GFOD1: variants seen among roughly 807,000 people sequenced by gnomAD.
GFOD1 encodes glucose-fructose oxidoreductase domain-containing protein 1.
Under a neutral mutation model 25.4 loss-of-function variants are expected in GFOD1, and 9 were observed. The ratio of observed to expected loss-of-function variants is 0.35; its 90% confidence interval spans 0.21 to 0.62. The LOEUF (loss-of-function observed/expected upper bound fraction) is 0.62. Among genes scored for constraint, GFOD1 ranks in the 20% least tolerant of loss-of-function variants. The pLI is 0.72. For synonymous variants in GFOD1, 253 were observed against 245.6 expected, an observed-to-expected ratio of 1.03 and a Z score of -0.28; for missense variants, 403 against 556.9, an observed-to-expected ratio of 0.72 and a Z score of 2.78.
intron 1 of GFOD1, among the ~76,000 whole-genome samples, chr6:13,481,519 A>G (rs1222931104): frequency 1.3e-5 from 2 of 152,322 alleles, no homozygotes; most frequent in Middle Eastern, 3.4e-3. Context: ...ATGTTATTCT[A>G]GGTGCTGTGG....
At chr6:13,482,315 A>G (rs1490293189) in intron 1 of GFOD1, among the ~76,000 whole-genome samples, 1 of 148,824 alleles carries the variant, frequency 6.7e-6, no homozygotes, top group East Asian at 1.9e-4. Context: ...TATGTAATAA[A>G]TTTAATACAT....
chr6:13,393,475 GC>G (rs1785657662), intron 1 of GFOD1, among the ~76,000 whole-genome samples: 1 of 151,098 alleles, frequency 6.6e-6, no homozygotes, highest in Admixed American at 6.6e-5. Flanking sequence ...AGGACCACCG[GC>G]CAGTCCAGAG....
At chr6:13,379,966 T>C (rs1204730557) in intron 1 of GFOD1, among the ~76,000 whole-genome samples, 2 of 152,196 alleles carry the variant, frequency 1.3e-5, no homozygotes, top group Non-Finnish European at 2.9e-5. Context: ...CCTGTAAAAC[T>C]GGAATAATAA....
At chr6:13,412,328 A>C (rs1486690486) in intron 1 of GFOD1, among the ~76,000 whole-genome samples, 1 of 152,218 alleles carries the variant, frequency 6.6e-6, no homozygotes, top group African/African-American at 2.4e-5. Context: ...AACAGAGGGA[A>C]GACCCTGTGA....
Position 13,486,994 on chromosome 6 carries a change from TAGCCGCGGTGCGCC to T in GFOD1, c.-118_-105del. ...CTGCACCCCGCTCCTGTAGCCAATCTAGCCGCGGTGCGCCAGCCGCCGTGCACCGGGCAAGGCGC... is the reference window on the plus strand; with the variant it reads ...CTGCACCCCGCTCCTGTAGCCAATCTAGCCGCCGTGCACCGGGCAAGGCGC... On this transcript the variant is annotated 5_prime_UTR_variant, in exon 1 of 2. Coordinates refer to ENST00000379287, the MANE Select transcript of GFOD1 (RefSeq NM_018988.4). 1.4e-6 allele frequency: 2 copies of T among 1,382,670 alleles called. No individual in the cohort carries two copies. The highest frequency in any genetic ancestry group is 1.9e-6 in the Non-Finnish European group (2 of 1,032,148). The allele number at this position is 1,382,670 out of a possible 1,614,324, so 85.7% of individuals were successfully genotyped here. A position where few individuals can be genotyped will look rare whatever the true frequency, so the allele number is the denominator to read the frequency against.
chr6:13,423,859 GT>G (rs11371080), intron 1 of GFOD1, among the ~76,000 whole-genome samples: 3 of 151,856 alleles, frequency 2.0e-5, no homozygotes, highest in Admixed American at 6.6e-5. Flanking sequence ...CTTTTTGTTT[GT>G]TTTTTTTGTT....
rs114193898 is a variant in GFOD1 at position 13,430,680 on chromosome 6, G to C, written c.253+55958C>G. Among the ~76,000 whole-genome samples the C allele has an allele frequency of 0.023, 3,560 of 152,154 alleles. 71 individuals carry two copies. The highest frequency in any genetic ancestry group is 0.037 in the Non-Finnish European group (2,498 of 67,984). ...AGTCCACCTATGGCAGGAGTAGTGG[G>C]ACAGCGGGTAGGGAAAAGTATCCTT... On this transcript the variant is annotated intron_variant, in intron 1 of 1. Coordinates refer to ENST00000379287, the MANE Select transcript of GFOD1 (RefSeq NM_018988.4). This position sits in a 1 kb window ranked among gnomAD's most constrained non-coding sequence, Gnocchi z 4.1.
At chr6:13,479,121 T>G (rs1248218366) in intron 1 of GFOD1, among the ~76,000 whole-genome samples, 1 of 151,440 alleles carries the variant, frequency 6.6e-6, no homozygotes, top group Non-Finnish European at 1.5e-5. Flanking sequence ...GAGGGAATCA[T>G]CTCTTCAAAA....
chr6:13,452,431 T>C (rs141766916), intron 1 of GFOD1, among the ~76,000 whole-genome samples: 2 of 152,114 alleles, frequency 1.3e-5, no homozygotes, highest in Non-Finnish European at 2.9e-5. Context: ...CACCATAAAC[T>C]GGGTGGTTTA....
intron 1 of GFOD1, among the ~76,000 whole-genome samples, chr6:13,465,711 G>C (rs748893589): frequency 6.6e-6 from 1 of 152,156 alleles, no homozygotes; most frequent in East Asian, 1.9e-4. Flanking sequence ...CCTTGTCTTA[G>C]AAGGAGAATT....
At chr6:13,402,093 T>G (rs1402484964) in intron 1 of GFOD1, among the ~76,000 whole-genome samples, 1 of 152,230 alleles carries the variant, frequency 6.6e-6, no homozygotes, top group Non-Finnish European at 1.5e-5. Context: ...GGGAAAAGAA[T>G]CGTCTTTTTA....
At chr6:13,385,173 C>G (rs10456149) in intron 1 of GFOD1, among the ~76,000 whole-genome samples, 1 of 152,140 alleles carries the variant, frequency 6.6e-6, no homozygotes, top group East Asian at 1.9e-4. Flanking sequence ...CCATCCAATA[C>G]TGGGGCCAGC....
chr6:13,471,411 C>T (rs545871246), intron 1 of GFOD1, among the ~76,000 whole-genome samples: 1 of 152,222 alleles, frequency 6.6e-6, no homozygotes, highest in South Asian at 2.1e-4. Flanking sequence ...CTGGCATCAC[C>T]CCACCCAGGT....
intron 1 of GFOD1, among the ~76,000 whole-genome samples, chr6:13,455,941 G>A (rs1268354034): frequency 1.3e-5 from 2 of 152,198 alleles, no homozygotes; most frequent in African/African-American, 2.4e-5. Flanking sequence ...GCATACCTCT[G>A]TCTTGACTGC....
At chr6:13,450,756 T>C (rs1261324196) in intron 1 of GFOD1, among the ~76,000 whole-genome samples, 1 of 152,184 alleles carries the variant, frequency 6.6e-6, no homozygotes, top group African/African-American at 2.4e-5. Flanking sequence ...GTGTTCAGTA[T>C]AAATCATACT....
chr6:13,393,916 C>G (rs929425188), intron 1 of GFOD1, among the ~76,000 whole-genome samples: 5 of 151,306 alleles, frequency 3.3e-5, no homozygotes, highest in African/African-American at 4.9e-5. Context: ...GGAGGTGGGA[C>G]TACAGGCGCC....
At chr6:13,458,201 T>C (rs1758225444) in intron 1 of GFOD1, among the ~76,000 whole-genome samples, 1 of 152,140 alleles carries the variant, frequency 6.6e-6, no homozygotes, top group African/African-American at 2.4e-5. Context: ...AACTGCAACC[T>C]CTGCCTCCTC....
intron 1 of GFOD1, among the ~76,000 whole-genome samples, chr6:13,417,736 G>T (rs1404702470): frequency 6.6e-6 from 1 of 152,228 alleles, no homozygotes; most frequent in Non-Finnish European, 1.5e-5. Flanking sequence ...TCTCGTAAGT[G>T]CAGCAGGAGA....
intron 1 of GFOD1, among the ~76,000 whole-genome samples, chr6:13,391,721 T>C (rs1022021615): frequency 1.3e-5 from 2 of 152,126 alleles, no homozygotes; most frequent in African/African-American, 2.4e-5. Context: ...CTACCACGTA[T>C]CTGGACAAGT....
Sources: allele counts gnomAD v4.1 joint callset (sites outside exome capture counted in the v4.1 genomes callset), GRCh38; gene constraint gnomAD v4.1.1; non-coding constraint Gnocchi (gnomAD v3.1); transcripts MANE v1.5; gene names NCBI Gene and HGNC (gene_info 2026-07-23, HGNC 2026-07-21).